Variants in USP54 observed in about 807,000 individuals in gnomAD.
The protein encoded by USP54 is ubiquitin carboxyl-terminal hydrolase 54.
Under a neutral mutation model 170.5 loss-of-function variants are expected in USP54, and 87 were observed. The ratio of observed to expected loss-of-function variants is 0.51; its 90% CI spans 0.43 to 0.61. The LOEUF (loss-of-function observed/expected upper bound fraction) is 0.61. Among genes scored for constraint, USP54 ranks in the 20% least tolerant of loss-of-function variants. The probability of loss-of-function intolerance (pLI) is 0.00; values close to 1 mark genes in which losing one functional copy is unlikely to be tolerated. For synonymous variants in USP54, 655 were observed against 742.8 expected, an observed-to-expected ratio of 0.88 and a Z score of 1.92; for missense variants, 1,786 against 2,047.8, an observed-to-expected ratio of 0.87 and a Z score of 2.47.
chr10:73,570,258 G>A (rs1226566934), intron 4 of USP54, among the ~76,000 whole-genome samples: 1 of 151,922 alleles, frequency 6.6e-6, no homozygotes, highest in Non-Finnish European at 1.5e-5. Context: ...AACAGAATTG[G>A]CCCTTACACA....
intron 1 of USP54, among the ~76,000 whole-genome samples, chr10:73,625,262 T>C (rs926502589): frequency 4.7e-5 from 7 of 149,680 alleles, no homozygotes; most frequent in African/African-American, 1.7e-4. Flanking sequence ...TCATTCATTA[T>C]CCTACTCGTA....
chr10:73,603,772 A>C (rs988163421), intron 1 of USP54, among the ~76,000 whole-genome samples: 3 of 151,946 alleles, frequency 2.0e-5, no homozygotes, highest in African/African-American at 7.3e-5. Flanking sequence ...CAAAAAAAAA[A>C]ACTACAAGTC....
At chr10:73,595,464 A>C (rs1228254185), upstream of USP54, among the ~76,000 whole-genome samples, 1 of 152,114 alleles carries the variant, frequency 6.6e-6, no homozygotes, top group Non-Finnish European at 1.5e-5. Context: ...GATCCAAAGA[A>C]TACATTTTGG....
At chr10:73,566,134 G>A (rs774312054) in intron 4 of USP54, among the ~76,000 whole-genome samples, 1 of 152,136 alleles carries the variant, frequency 6.6e-6, no homozygotes, top group Non-Finnish European at 1.5e-5. Context: ...GGAGGATGAG[G>A]CAGAAGAATC....
intron 4 of USP54, chr10:73,546,465 T>C (rs999638404): frequency 6.6e-6 from 1 of 152,082 alleles, no homozygotes; most frequent in African/African-American, 2.4e-5. Context: ...CCTGAGTAAA[T>C]GGGACTACAG....
intron 23 of USP54, among the ~76,000 whole-genome samples, chr10:73,500,199 T>C (rs2057795062): frequency 6.6e-6 from 1 of 152,238 alleles, no homozygotes; most frequent in Admixed American, 6.5e-5. Context: ...ACACATGGTG[T>C]GGGTACTCCA....
intron 3 of USP54, among the ~76,000 whole-genome samples, chr10:73,573,533 G>A (rs1453218221): frequency 6.6e-6 from 1 of 152,214 alleles, no homozygotes; most frequent in Non-Finnish European, 1.5e-5. Context: ...GGAGGCCGAG[G>A]TGGGCAGATT....
At chr10:73,531,434 A>C (rs1464100810) in intron 12 of USP54, among the ~76,000 whole-genome samples, 1 of 152,238 alleles carries the variant, frequency 6.6e-6, no homozygotes, top group Non-Finnish European at 1.5e-5. Flanking sequence ...TAACTTTTTA[A>C]AGGCAAAAGT....
At chr10:73,552,147 G>A (rs192144482) in intron 4 of USP54, among the ~76,000 whole-genome samples, 62 of 152,134 alleles carry the variant, frequency 4.1e-4, no homozygotes, top group Middle Eastern at 6.8e-3. Flanking sequence ...TATGATCTCG[G>A]GTAAATTATT....
chr10:73,587,611 G>A (rs1025815993), intron 1 of USP54, among the ~76,000 whole-genome samples: 8 of 152,162 alleles, frequency 5.3e-5, no homozygotes, highest in Admixed American at 1.3e-4. Context: ...GGGACACAGA[G>A]TTAGTGGAAT....
At chr10:73,550,217 C>T (rs2068928135) in intron 4 of USP54, among the ~76,000 whole-genome samples, 1 of 152,222 alleles carries the variant, frequency 6.6e-6, no homozygotes, top group Admixed American at 6.5e-5. Context: ...GGCCACCACG[C>T]CCAGCCATAC....
At chr10:73,620,711 G>A (rs1323104290) in intron 1 of USP54, among the ~76,000 whole-genome samples, 2 of 150,374 alleles carry the variant, frequency 1.3e-5, no homozygotes, top group Non-Finnish European at 2.9e-5. Context: ...GCCAAAGCGG[G>A]TCAATCATCT....
At chr10:73,538,641 C>CA (rs780618858) in intron 10 of USP54, among the ~76,000 whole-genome samples, 70 of 151,554 alleles carry the variant, frequency 4.6e-4, no homozygotes, top group Admixed American at 1.4e-3. Flanking sequence ...ATCTCTAAAA[C>CA]AAAAAAACAA....
intron 4 of USP54, among the ~76,000 whole-genome samples, chr10:73,565,294 ACTG>A (rs1262795507): frequency 1.3e-5 from 2 of 152,020 alleles, no homozygotes; most frequent in Admixed American, 6.6e-5. Flanking sequence ...AAGTGAAAGG[ACTG>A]CTTGAGCCCA....
intron 1 of USP54, among the ~76,000 whole-genome samples, 182 bp downstream of exon 1, chr10:73,591,096 C>T (rs1425034343): frequency 6.6e-6 from 1 of 151,836 alleles, no homozygotes; most frequent in Non-Finnish European, 1.5e-5. Flanking sequence ...TGAAAGATGC[C>T]TCTTGAAAGT....
rs183694035 is a variant in USP54, at chr10:73,510,108, G to A, written c.4052-4682C>T. ...TCCCAGCACTTTGGGAGGCCAAGGCGGGCGGATCACGTGGTCAGGAGATGG... is the reference window on the plus strand; with the variant it reads ...TCCCAGCACTTTGGGAGGCCAAGGCAGGCGGATCACGTGGTCAGGAGATGG... On this transcript the variant is annotated intron_variant, in intron 20 of 23. Coordinates refer to ENST00000687698, the MANE Select transcript of USP54 (RefSeq NM_001391956.1). 5.1e-4 allele frequency among the ~76,000 whole-genome samples: 78 copies of A among 152,262 alleles called. 1 individual carries two copies. The highest frequency in any genetic ancestry group is 1.5e-3 in the African/African-American group (61 of 41,558).
At chr10:73,572,289 T>C (rs2075339947) in intron 3 of USP54, among the ~76,000 whole-genome samples, 1 of 152,062 alleles carries the variant, frequency 6.6e-6, no homozygotes, top group Non-Finnish European at 1.5e-5. Flanking sequence ...TAAGAAGACA[T>C]GACAAGTAAA....
At chr10:73,557,186 T>C (rs1003013181) in intron 4 of USP54, among the ~76,000 whole-genome samples, 3 of 152,148 alleles carry the variant, frequency 2.0e-5, no homozygotes, top group African/African-American at 4.8e-5. Flanking sequence ...TAAGAGTAGA[T>C]TCATTGTGAA....
chr10:73,499,449 C>T (rs1259192894), intron 23 of USP54: 1 of 430,620 alleles, frequency 2.3e-6, no homozygotes, highest in African/African-American at 2.0e-5. Context: ...CCACTATAAT[C>T]TCTCATCCAC....
Sources: gnomAD v4.1 joint callset for allele counts (sites outside exome capture counted in the v4.1 genomes callset) on GRCh38, gnomAD v4.1.1 for gene constraint, MANE v1.5 for transcripts, NCBI Gene and HGNC (gene_info 2026-07-23, HGNC 2026-07-21) for gene names.